SNX3: variants seen among roughly 807,000 people sequenced by gnomAD.
SNX3 encodes the protein sorting nexin-3.
A neutral mutation model predicts 17.7 loss-of-function variants in SNX3; 5 were observed. The ratio of observed to expected loss-of-function variants is 0.28; its 90% CI spans 0.15 to 0.59. The LOEUF is 0.59. Ranked by LOEUF, SNX3 falls within the 20% of genes least tolerant of loss-of-function variation. SNX3 has a pLI of 0.88. For synonymous variants in SNX3, 91 were observed against 76.5 expected, an observed-to-expected ratio of 1.19 and a Z score of -0.99; for missense variants, 132 against 206.8, an observed-to-expected ratio of 0.64 and a Z score of 2.22.
chr6:108,239,136 C>T (rs974038533), intron 1 of SNX3, among the ~76,000 whole-genome samples: 10 of 152,130 alleles, frequency 6.6e-5, no homozygotes, highest in African/African-American at 2.4e-4. Flanking sequence ...CTCCTGACCT[C>T]AGGTGATCCA....
chr6:108,222,714 G>A (rs1302325341), intron 2 of SNX3, among the ~76,000 whole-genome samples: 2 of 152,094 alleles, frequency 1.3e-5, no homozygotes, highest in Admixed American at 1.3e-4. Context: ...AAGGTTCTAA[G>A]AAGTGTTATT....
intron 1 of SNX3, among the ~76,000 whole-genome samples, chr6:108,237,814 T>C (rs1177456715): frequency 6.7e-6 from 1 of 148,992 alleles, no homozygotes; most frequent in African/African-American, 2.5e-5. Context: ...TCTACCATGA[T>C]GGGCTGGGTG....
At chr6:108,247,790 GA>G (rs1245007496) in intron 1 of SNX3, among the ~76,000 whole-genome samples, 5 of 151,926 alleles carry the variant, frequency 3.3e-5, no homozygotes, top group Non-Finnish European at 5.9e-5. Flanking sequence ...CATACCGCCT[GA>G]ACATCGATGC....
intron 1 of SNX3, among the ~76,000 whole-genome samples, chr6:108,259,395 G>A (rs375660670): frequency 6.6e-6 from 1 of 152,102 alleles, no homozygotes; most frequent in Admixed American, 6.6e-5. Context: ...CACCACACCC[G>A]GCTAATTTTG....
At chr6:108,235,866 C>T (rs1238077882) in intron 1 of SNX3, among the ~76,000 whole-genome samples, 4 of 152,036 alleles carry the variant, frequency 2.6e-5, no homozygotes, top group East Asian at 3.9e-4. Context: ...CCAGCCTCGG[C>T]GACAGAGTGA....
intron 2 of SNX3, among the ~76,000 whole-genome samples, chr6:108,217,559 A>G (rs1364396803): frequency 6.6e-6 from 1 of 152,118 alleles, no homozygotes; most frequent in Non-Finnish European, 1.5e-5. Flanking sequence ...GTTCAAGACC[A>G]GCCTGGCCAA....
At chr6:108,223,328 G>A (rs1174694479) in intron 1 of SNX3, among the ~76,000 whole-genome samples, 1 of 151,458 alleles carries the variant, frequency 6.6e-6, no homozygotes, top group African/African-American at 2.4e-5. Flanking sequence ...TGTAGAGATG[G>A]GGTTTTACCA....
At chr6:108,219,148 G>C (rs572299006) in intron 2 of SNX3, among the ~76,000 whole-genome samples, 1 of 150,484 alleles carries the variant, frequency 6.6e-6, no homozygotes, top group Non-Finnish European at 1.5e-5. Context: ...CCAGGAGATC[G>C]AGACCGTCTT....
intron 1 of SNX3, among the ~76,000 whole-genome samples, chr6:108,233,293 G>T (rs947372491): frequency 6.6e-6 from 1 of 152,212 alleles, no homozygotes; most frequent in African/African-American, 2.4e-5. Flanking sequence ...AACAATTCAT[G>T]AAGATTTACA....
chr6:108,222,752 T>C (rs560652895), intron 2 of SNX3, among the ~76,000 whole-genome samples, 198 bp downstream of exon 2: 5 of 152,254 alleles, frequency 3.3e-5, no homozygotes, highest in Non-Finnish European at 7.4e-5. Flanking sequence ...AGACCTCAAC[T>C]GGGCCAAAGC....
chr6:108,255,939 A>G (rs965001917), intron 1 of SNX3, among the ~76,000 whole-genome samples: 3 of 152,164 alleles, frequency 2.0e-5, no homozygotes, highest in African/African-American at 7.2e-5. Flanking sequence ...ACTTTAAAAG[A>G]TTATTTGGAG....
intron 2 of SNX3, among the ~76,000 whole-genome samples, chr6:108,216,686 ACT>A (rs1443043375): frequency 1.3e-5 from 2 of 152,214 alleles, no homozygotes; most frequent in Non-Finnish European, 2.9e-5. Flanking sequence ...AAAAATTAAA[ACT>A]TTAAACCCTT....
Position 108,214,481 on chromosome 6 carries a change from G to A in SNX3, c.383+17C>T. Reference sequence around the variant, plus strand: ...ACTTAAAGTAGTCCTACACTTTGAGGAATAGGAAGCACTTACTTGTTTATA... The same window carrying A: ...ACTTAAAGTAGTCCTACACTTTGAGAAATAGGAAGCACTTACTTGTTTATA... On this transcript the variant is annotated intron_variant, in intron 3 of 3. Transcript: ENST00000230085. The A allele has an allele frequency of 6.2e-7, 1 of 1,611,698 alleles. No homozygotes were observed. Among genetic ancestry groups the A allele is most frequent in the Non-Finnish European group, 8.5e-7 (1 of 1,179,122 alleles).
At chr6:108,233,211 CA>C (rs1364104350) in intron 1 of SNX3, among the ~76,000 whole-genome samples, 3 of 152,176 alleles carry the variant, frequency 2.0e-5, no homozygotes, top group African/African-American at 4.8e-5. Flanking sequence ...AGAGCTCACA[CA>C]AGGTTTTCAA....
At chr6:108,213,972 A>T (rs949164160) in intron 3 of SNX3, among the ~76,000 whole-genome samples, 2 of 152,362 alleles carry the variant, frequency 1.3e-5, no homozygotes, top group East Asian at 1.9e-4. Context: ...ATGGGAATAA[A>T]ATTAAAAGCT....
chr6:108,219,070 G>A (rs1055772268), intron 2 of SNX3, among the ~76,000 whole-genome samples: 3 of 152,182 alleles, frequency 2.0e-5, no homozygotes, highest in Non-Finnish European at 2.9e-5. Context: ...AAACAAAAGC[G>A]GTCGGGCGGG....
chr6:108,214,725 G>A (rs1582465631), intron 2 of SNX3, 103 bp from the exon 3 acceptor site: 12 of 1,249,356 alleles, frequency 9.6e-6, no homozygotes, highest in Middle Eastern at 1.9e-4. Flanking sequence ...GACAGCCATC[G>A]TCCGGTCAAA....
chr6:108,212,464 A>G (rs955560561), intron 3 of SNX3, among the ~76,000 whole-genome samples: 1 of 151,878 alleles, frequency 6.6e-6, no homozygotes, highest in Non-Finnish European at 1.5e-5. Context: ...CAGCCCCCTG[A>G]GTAGCTGGGA....
chr6:108,243,239 G>A lies in SNX3; in HGVS notation c.162+17521C>T, dbSNP rs566060859. The stretch of plus-strand genomic sequence containing the variant: ...TCCTGTCTTAGCCTCCTGTGTAGAT[G>A]AGACTATAGGCACAAACCACTGCAC... On this transcript the variant is annotated intron_variant, in intron 1 of 3. Transcript: ENST00000230085. 5.1e-4 allele frequency among the ~76,000 whole-genome samples: 78 copies of A among 151,778 alleles called. No homozygotes were observed. In the South Asian group the frequency reaches 0.016, roughly 31 times the overall value.
Sources: allele counts gnomAD v4.1 joint callset (sites outside exome capture counted in the v4.1 genomes callset), GRCh38; gene constraint gnomAD v4.1.1; transcripts MANE v1.5; gene names NCBI Gene and HGNC (gene_info 2026-07-23, HGNC 2026-07-21).